MEGF11: variants seen among roughly 807,000 people sequenced by gnomAD.
MEGF11 encodes multiple epidermal growth factor-like domains protein 11.
A neutral mutation model predicts 146.6 loss-of-function variants in MEGF11; 126 were observed. The ratio of observed to expected loss-of-function variants is 0.86; its 90% CI spans 0.74 to 1.00. MEGF11 has a LOEUF of 1.00. MEGF11 is among the 50% of genes least tolerant of loss of function. MEGF11 has a pLI of 0.00. For missense variants in MEGF11, 1,509 were observed against 1,521.2 expected, an observed-to-expected ratio of 0.99 and a Z score of 0.13; for synonymous variants, 532 against 583.4, an observed-to-expected ratio of 0.91 and a Z score of 1.27.
chr15:66,039,301 G>A (rs1267744125), intron 5 of MEGF11, among the ~76,000 whole-genome samples: 1 of 152,180 alleles, frequency 6.6e-6, no homozygotes, highest in East Asian at 1.9e-4. Context: ...CACTCCCAGA[G>A]GTGGCGGGAG....
At chr15:65,957,020 CA>C (rs1381505708) in intron 10 of MEGF11, among the ~76,000 whole-genome samples, 1 of 152,112 alleles carries the variant, frequency 6.6e-6, no homozygotes, top group African/African-American at 2.4e-5. Context: ...GGAAATAATT[CA>C]AGGGTGCGGT....
chr15:65,951,123 G>A (rs896173571), intron 10 of MEGF11, among the ~76,000 whole-genome samples: 1 of 152,196 alleles, frequency 6.6e-6, no homozygotes, highest in African/African-American at 2.4e-5. Flanking sequence ...ACCTGAGTAT[G>A]AGCCACACAC....
chr15:66,059,626 C>T (rs1349745195), intron 5 of MEGF11, among the ~76,000 whole-genome samples: 1 of 151,988 alleles, frequency 6.6e-6, no homozygotes, highest in African/African-American at 2.4e-5. Context: ...CCAGTTGCCC[C>T]AGGTTCTTAA....
Position 65,938,329 on chromosome 15 carries a change from T to TC in MEGF11, c.1288-7387dup, listed in dbSNP as rs1284946976. On this transcript the variant is annotated intron_variant, in intron 10 of 25. Transcript: ENST00000395614. ...TCAGATCTCCTAGCTCCCATTTGGGTCACAGGATGCTAACAGCCTAAATGT... is the reference window on the plus strand; with the variant it reads ...TCAGATCTCCTAGCTCCCATTTGGGTCCACAGGATGCTAACAGCCTAAATGT... Among the ~76,000 whole-genome samples, 12 of 152,342 alleles carry TC rather than the reference T, an allele frequency of 7.9e-5. 1 individual carries two copies. The East Asian group carries it at 2.3e-3, about 29-fold the overall frequency.
At chr15:66,240,125 G>T (rs143239037) in intron 1 of MEGF11, among the ~76,000 whole-genome samples, 89 of 152,316 alleles carry the variant, frequency 5.8e-4, no homozygotes, top group African/African-American at 1.9e-3. Flanking sequence ...CCAGCACAAA[G>T]ACTTCGCTCA....
At chr15:66,214,108 T>C (rs540498365) in intron 1 of MEGF11, among the ~76,000 whole-genome samples, 3 of 145,458 alleles carry the variant, frequency 2.1e-5, no homozygotes, top group Non-Finnish European at 3.0e-5. Flanking sequence ...CAATCTTGGC[T>C]CACTGCAACC....
chr15:66,113,145 A>G (rs1163265432), intron 4 of MEGF11, among the ~76,000 whole-genome samples: 1 of 152,032 alleles, frequency 6.6e-6, no homozygotes, highest in Non-Finnish European at 1.5e-5. Flanking sequence ...CCCCTCAACC[A>G]GAGTCCACCC....
chr15:66,094,625 GGGGGGGAAA>G, intron 4 of MEGF11, 131 bp from the exon 5 acceptor site: 1 of 705,918 alleles, frequency 1.4e-6, no homozygotes, highest in East Asian at 2.9e-5. Context: ...TGACTGGCTT[GGGGGGGAAA>G]ATCAAGCTAC....
At chr15:66,189,213 C>G (rs1007206253) in intron 1 of MEGF11, among the ~76,000 whole-genome samples, 3 of 152,124 alleles carry the variant, frequency 2.0e-5, no homozygotes, top group African/African-American at 7.2e-5. Flanking sequence ...CTGCGGAGCA[C>G]GGAGGATTAA....
intron 1 of MEGF11, among the ~76,000 whole-genome samples, chr15:66,169,481 A>G (rs2090187720): frequency 6.6e-6 from 1 of 152,118 alleles, no homozygotes; most frequent in Non-Finnish European, 1.5e-5. Context: ...CTGAAATATC[A>G]TTTCTCATGG....
chr15:66,157,406 C>T (rs970651192), intron 1 of MEGF11, among the ~76,000 whole-genome samples: 8 of 152,244 alleles, frequency 5.3e-5, no homozygotes, highest in African/African-American at 1.9e-4. Context: ...ATCCCACACA[C>T]CCCATGTCAC....
chr15:66,074,627 A>C (rs1264390495), intron 5 of MEGF11, among the ~76,000 whole-genome samples: 1 of 152,256 alleles, frequency 6.6e-6, no homozygotes, highest in African/African-American at 2.4e-5. Flanking sequence ...GTGCTGGGAC[A>C]TGACATGAAA....
At chr15:65,988,318 T>A (rs1368192701) in intron 5 of MEGF11, among the ~76,000 whole-genome samples, 1 of 152,226 alleles carries the variant, frequency 6.6e-6, no homozygotes, top group Non-Finnish European at 1.5e-5. Context: ...TCTGTCTTTA[T>A]GAATTTGCCT....
chr15:66,191,080 C>T (rs1217476042), intron 1 of MEGF11, among the ~76,000 whole-genome samples: 2 of 152,090 alleles, frequency 1.3e-5, no homozygotes, highest in South Asian at 2.1e-4. Flanking sequence ...AAGTTTCTCC[C>T]CCGATATCAG....
At chr15:66,109,892 C>T (rs2087301236) in intron 4 of MEGF11, among the ~76,000 whole-genome samples, 1 of 152,202 alleles carries the variant, frequency 6.6e-6, no homozygotes, top group South Asian at 2.1e-4. Context: ...CAGGGCTGGA[C>T]ACCGTGCCTG....
At chr15:66,008,113 G>A (rs1209075652) in intron 5 of MEGF11, among the ~76,000 whole-genome samples, 1 of 152,146 alleles carries the variant, frequency 6.6e-6, no homozygotes, top group African/African-American at 2.4e-5. Context: ...TGAGGTAACA[G>A]GAACCACACA....
chr15:66,185,320 C>T (rs574233393), intron 1 of MEGF11, among the ~76,000 whole-genome samples: 42 of 152,304 alleles, frequency 2.8e-4, no homozygotes, highest in Admixed American at 9.2e-4. Context: ...TCCTGCCTCC[C>T]TCACGTCTAC....
intron 1 of MEGF11, among the ~76,000 whole-genome samples, chr15:66,231,313 C>A (rs545772545): frequency 1.3e-5 from 2 of 151,760 alleles, no homozygotes; most frequent in African/African-American, 2.4e-5. Context: ...TGCAGATGAA[C>A]CCCCCTGAGG....
intron 1 of MEGF11, among the ~76,000 whole-genome samples, chr15:66,197,928 CA>C (rs1196141474): frequency 6.6e-6 from 1 of 152,178 alleles, no homozygotes; most frequent in Admixed American, 6.5e-5. Flanking sequence ...TTATATTTAT[CA>C]AGAAATAATT....
Sources: gnomAD v4.1 joint callset for allele counts (sites outside exome capture counted in the v4.1 genomes callset) on GRCh38, gnomAD v4.1.1 for gene constraint, MANE v1.5 for transcripts, NCBI Gene and HGNC (gene_info 2026-07-23, HGNC 2026-07-21) for gene names.